CDH2: variants seen among roughly 807,000 people sequenced by gnomAD.
CDH2 encodes cadherin 2.
In CDH2, 17 loss-of-function variants were observed where a neutral mutation model predicts 92.0. The ratio of observed to expected loss-of-function variants is 0.18; its 90% CI spans 0.13 to 0.28. CDH2 has a LOEUF of 0.28. CDH2 is among the 10% of genes least tolerant of loss of function. The probability of loss-of-function intolerance (pLI) is 1.00; values close to 1 mark genes in which losing one functional copy is unlikely to be tolerated. For synonymous variants in CDH2, 419 were observed against 415.9 expected, an observed-to-expected ratio of 1.01 and a Z score of -0.09; for missense variants, 862 against 1,133.1, an observed-to-expected ratio of 0.76 and a Z score of 3.44.
At chr18:28,010,988 CATTAAAG>C (rs1292038417) in intron 4 of CDH2, among the ~76,000 whole-genome samples, 1 of 150,062 alleles carries the variant, frequency 6.7e-6, no homozygotes, top group Non-Finnish European at 1.5e-5. Context: ...TCTCAAACTT[CATTAAAG>C]TAGAAAAAGA....
intron 2 of CDH2, among the ~76,000 whole-genome samples, chr18:28,074,638 T>C (rs2144175371): frequency 6.6e-6 from 1 of 152,144 alleles, no homozygotes; most frequent in South Asian, 2.1e-4. Context: ...AGTTTTATAT[T>C]TTACATGTTT....
rs201424370 is a variant in CDH2, at chr18:27,951,029, G to C, written c.*1124C>G. 89 of 151,982 alleles carry C rather than the reference G, an allele frequency of 5.9e-4. No homozygotes were observed. The highest frequency in any genetic ancestry group is 1.8e-3 in the African/African-American group (75 of 41,320). 9.4% of individuals were successfully genotyped at this position (151,982 alleles called of 1,614,324 possible). A position where few individuals can be genotyped will look rare whatever the true frequency, so the allele number is the denominator to read the frequency against. ...TCAGAGGTGTATCATTTATATTCTG[G>C]TACACAATACAGAGGCAAAGCTGTT... On this transcript the variant is annotated 3_prime_UTR_variant, in exon 16 of 16. Coordinates refer to ENST00000269141, the MANE Select transcript of CDH2 (RefSeq NM_001792.5).
intron 7 of CDH2, among the ~76,000 whole-genome samples, chr18:27,998,671 G>T (rs1332657134): frequency 6.6e-6 from 1 of 152,160 alleles, no homozygotes; most frequent in Non-Finnish European, 1.5e-5. Flanking sequence ...GACTGCAGTG[G>T]CACGATTATG....
At chr18:28,083,314 C>G (rs985812865) in intron 2 of CDH2, among the ~76,000 whole-genome samples, 2 of 152,006 alleles carry the variant, frequency 1.3e-5, no homozygotes, top group East Asian at 3.9e-4. Flanking sequence ...GAAAACAGAA[C>G]TAAGAAGAAA....
chr18:27,943,955 G>C (rs762942950), intron 6 of CDH2, among the ~76,000 whole-genome samples: 1 of 152,144 alleles, frequency 6.6e-6, no homozygotes, highest in Non-Finnish European at 1.5e-5. Context: ...AAACATTTCC[G>C]TCAGTCTGTG....
intron 2 of CDH2, among the ~76,000 whole-genome samples, chr18:28,132,429 A>T (rs2144296480): frequency 6.6e-6 from 1 of 152,294 alleles, no homozygotes; most frequent in Non-Finnish European, 1.5e-5. Context: ...TCTTGAGATT[A>T]CTGGCTTCCC....
intron 2 of CDH2, among the ~76,000 whole-genome samples, chr18:28,106,827 T>A (rs756393997): frequency 9.9e-5 from 15 of 152,192 alleles, no homozygotes; most frequent in Non-Finnish European, 2.1e-4. Context: ...GTCACAGATA[T>A]CATGAGATAA....
intron 2 of CDH2, among the ~76,000 whole-genome samples, chr18:28,022,519 A>T (rs931825019): frequency 6.6e-6 from 1 of 152,094 alleles, no homozygotes; most frequent in South Asian, 2.1e-4. Flanking sequence ...AAACTTTATT[A>T]ACAAGAGTTA....
intron 1 of CDH2, among the ~76,000 whole-genome samples, chr18:28,160,172 A>T (rs1005227122): frequency 6.6e-6 from 1 of 151,292 alleles, no homozygotes; most frequent in Admixed American, 6.6e-5. Context: ...AAAAAAAAAA[A>T]CAGCAGGACC....
intron 2 of CDH2, among the ~76,000 whole-genome samples, chr18:28,082,924 G>GT (rs1292799716): frequency 6.6e-6 from 1 of 152,178 alleles, no homozygotes; most frequent in Non-Finnish European, 1.5e-5. Context: ...TGACAACAGG[G>GT]TTAGGGTTTG....
rs199853769 is a variant in CDH2, at chr18:27,951,411, C to T, written c.*742G>A. 7 of 152,460 alleles carry T rather than the reference C, an allele frequency of 4.6e-5. No homozygotes were observed. Among genetic ancestry groups the T allele is most frequent in the Admixed American group, 1.3e-4 (2 of 15,258 alleles). The allele number at this position is 152,460 out of a possible 1,614,324, so 9.4% of individuals were successfully genotyped here. A position where few individuals can be genotyped will look rare whatever the true frequency, so the allele number is the denominator to read the frequency against. On this transcript the variant is annotated 3_prime_UTR_variant, in exon 16 of 16. Transcript: ENST00000269141. ...ACATACACATGTTCTGAAGTTTCTG[C>T]ACTTCTCCATAGACTATGCCAATAA...
At chr18:28,043,461 A>AATATATATATATAT (rs1158754890) in intron 2 of CDH2, among the ~76,000 whole-genome samples, 33 of 71,940 alleles carry the variant, frequency 4.6e-4, no homozygotes, top group African/African-American at 1.1e-3. Context: ...GATATAAATA[A>AATATATATATATAT]ATATATATAT....
At chr18:28,111,417 T>C (rs528599991) in intron 2 of CDH2, among the ~76,000 whole-genome samples, 1 of 152,314 alleles carries the variant, frequency 6.6e-6, no homozygotes, top group African/African-American at 2.4e-5. Context: ...ACTGAAAACA[T>C]GTATTCGAGG....
chr18:28,104,686 A>C (rs781333447), intron 2 of CDH2, among the ~76,000 whole-genome samples: 6 of 128,038 alleles, frequency 4.7e-5, no homozygotes, highest in Non-Finnish European at 8.0e-5. Context: ...ATATAGATGC[A>C]AATACATATC....
chr18:28,149,189 G>A (rs1319836638), intron 1 of CDH2, among the ~76,000 whole-genome samples: 1 of 152,152 alleles, frequency 6.6e-6, no homozygotes, highest in Non-Finnish European at 1.5e-5. Context: ...TATTCCTAGG[G>A]AAATATTACG....
At chr18:28,108,161 A>C (rs1266769161) in intron 2 of CDH2, among the ~76,000 whole-genome samples, 4 of 152,090 alleles carry the variant, frequency 2.6e-5, no homozygotes, top group Non-Finnish European at 4.4e-5. Context: ...TCCCATTAAC[A>C]GATAGGTGTT....
At chr18:28,096,732 G>A (rs888537675) in intron 2 of CDH2, among the ~76,000 whole-genome samples, 3 of 152,142 alleles carry the variant, frequency 2.0e-5, no homozygotes, top group Non-Finnish European at 4.4e-5. Context: ...GTTTATGATC[G>A]TGAAGGCACT....
intron 2 of CDH2, among the ~76,000 whole-genome samples, chr18:28,037,067 C>G (rs2013847296): frequency 6.6e-6 from 1 of 152,116 alleles, no homozygotes; most frequent in African/African-American, 2.4e-5. Context: ...TACTCAGTAG[C>G]ACTCAAAGTG....
chr18:27,943,746 C>A (rs7236726), intron 6 of CDH2, among the ~76,000 whole-genome samples: 143,251 of 152,220 alleles, frequency 0.94, 68,006 homozygotes, highest in East Asian at 1. Flanking sequence ...CAAGACTGGC[C>A]ATAGTTTTGG....
Sources: allele counts gnomAD v4.1 joint callset (sites outside exome capture counted in the v4.1 genomes callset), GRCh38; gene constraint gnomAD v4.1.1; transcripts MANE v1.5; gene names NCBI Gene and HGNC (gene_info 2026-07-23, HGNC 2026-07-21).